The following MAP4 variants were observed in gnomAD, a reference collection of about 807,000 sequenced individuals.
The protein encoded by MAP4 is microtubule-associated protein 4.
In MAP4, 76 loss-of-function variants were observed where a neutral mutation model predicts 170.2. The observed-to-expected ratio is 0.45, with a 90% CI of 0.37 to 0.54. MAP4 has a LOEUF of 0.54. Among genes scored for constraint, MAP4 ranks in the 20% least tolerant of loss-of-function variants. MAP4 has a pLI of 0.00. For missense variants in MAP4, 2,506 were observed against 2,748.0 expected, an observed-to-expected ratio of 0.91 and a Z score of 1.97; for synonymous variants, 909 against 994.5, an observed-to-expected ratio of 0.91 and a Z score of 1.62.
At chr3:47,956,773 A>G (rs540923258) in intron 3 of MAP4, among the ~76,000 whole-genome samples, 2 of 152,340 alleles carry the variant, frequency 1.3e-5, no homozygotes, top group East Asian at 3.9e-4. Flanking sequence ...GACACTTTCC[A>G]TAGCTACAAG....
intron 16 of MAP4, among the ~76,000 whole-genome samples, chr3:47,868,404 A>G (rs2084414928): frequency 6.6e-6 from 1 of 152,138 alleles, no homozygotes. Flanking sequence ...AAACTACTTA[A>G]TGAGCCTTGG....
chr3:48,027,345 T>C (rs1273323419), intron 1 of MAP4, among the ~76,000 whole-genome samples: 2 of 152,068 alleles, frequency 1.3e-5, no homozygotes, highest in Non-Finnish European at 2.9e-5. Flanking sequence ...AAGCTACAAT[T>C]AGGACAAACA....
intron 1 of MAP4, 39 bp downstream of exon 1, chr3:48,016,295 C>T (rs765557483): frequency 1.4e-5 from 2 of 141,920 alleles, no homozygotes; most frequent in South Asian, 2.3e-4. Context: ...TACATAAAAC[C>T]TTGCATCACA....
chr3:48,050,052 G>C (rs2154548168), intron 1 of MAP4, among the ~76,000 whole-genome samples: 1 of 151,984 alleles, frequency 6.6e-6, no homozygotes, highest in Non-Finnish European at 1.5e-5. Context: ...CGGAGGTCAA[G>C]AGTTTGAGAC....
At position 47,851,959 on chromosome 3, in the gene MAP4, CA is replaced by C; in HGVS notation, c.*974del. The C allele has an allele frequency of 6.6e-6, 1 of 152,322 alleles. No homozygotes were observed. Among genetic ancestry groups the C allele is most frequent in the Non-Finnish European group, 1.5e-5 (1 of 68,088 alleles). The allele number at this position is 152,322 out of a possible 1,614,324, so 9.4% of individuals were successfully genotyped here. A position where few individuals can be genotyped will look rare whatever the true frequency, so the allele number is the denominator to read the frequency against. ...ATCCCAGGGAATGGGACAGAGATGC[CA>C]AAACCAGCCTCTTGGTTAGAAAAGA... is the stretch of plus-strand genomic sequence containing the variant. On this transcript the variant is annotated 3_prime_UTR_variant, in exon 21 of 21. Coordinates refer to ENST00000683076, the MANE Select transcript of MAP4 (RefSeq NM_001385682.1).
In MAP4 at chr3:47,916,175, G is replaced by T. The variant is rs1306837108; in HGVS notation, c.1652C>A (p.Ala551Asp). The T allele has an allele frequency of 1.9e-6, 3 of 1,614,042 alleles. No homozygotes were observed. Among genetic ancestry groups the T allele is most frequent in the East Asian group, 2.2e-5 (1 of 44,900 alleles). Residue 551 changes from alanine (A) to aspartate (D), a missense_variant, in exon 7 of 21, where the codon GCC (alanine) becomes GAC (aspartate). Transcript: ENST00000683076. ...EVALTEDQVP[A>D]LKTEAPLAKD... ...AGCCAGGGGTGCTTCTGTTTTGAGG[G>T]CTGGGACCTGATCCTCAGTCAGGGC...
At chr3:47,927,686 G>T (rs912025104) in intron 4 of MAP4, among the ~76,000 whole-genome samples, 1 of 152,136 alleles carries the variant, frequency 6.6e-6, no homozygotes, top group Non-Finnish European at 1.5e-5. Flanking sequence ...TGTTGGTCAG[G>T]CTTGTCTCGA....
chr3:48,020,381 T>A (rs2100109965), upstream of MAP4, among the ~76,000 whole-genome samples: 1 of 152,222 alleles, frequency 6.6e-6, no homozygotes, highest in Admixed American at 6.5e-5. Context: ...ACCAGCCTTC[T>A]CTTGCTGGGG....
chr3:47,969,324 C>T (rs542326477), intron 3 of MAP4, among the ~76,000 whole-genome samples: 1 of 151,824 alleles, frequency 6.6e-6, no homozygotes, highest in Non-Finnish European at 1.5e-5. Context: ...AAGAGAATCA[C>T]AAGCCCTGGA....
Position 47,853,349 on chromosome 3 carries a change from C to T in MAP4, c.6700G>A (p.Glu2234Lys), listed in dbSNP as rs2047906263. The T allele has an allele frequency of 1.9e-6, 3 of 1,603,176 alleles. No individual in the cohort carries two copies. The highest frequency in any genetic ancestry group is 2.5e-6 in the Non-Finnish European group (3 of 1,176,676). Residue 2234 changes from glutamate (E) to lysine (K), a missense_variant, in exon 20 of 21, where the codon GAG becomes AAG. Transcript: ENST00000683076. ...AGAGGAGCCTCGCTGCCACCGCCCT[C>T]AGTCTACAATGAAACAGTGGGGGAG... ...HLPAGGAVKT[E>K]GGGSEAPLCP...
intron 1 of MAP4, among the ~76,000 whole-genome samples, chr3:48,060,946 G>C (rs922570617): frequency 6.6e-6 from 1 of 151,930 alleles, no homozygotes; most frequent in Non-Finnish European, 1.5e-5. Context: ...CCAAGTACAC[G>C]CCATTCTCCT....
chr3:47,986,936 C>T (rs575336519), intron 2 of MAP4, among the ~76,000 whole-genome samples: 1 of 152,274 alleles, frequency 6.6e-6, no homozygotes, highest in East Asian at 1.9e-4. Flanking sequence ...TACATTAACA[C>T]AACCCAAACC....
At chr3:48,081,227 T>G (rs2100146516) in intron 1 of MAP4, among the ~76,000 whole-genome samples, 1 of 152,044 alleles carries the variant, frequency 6.6e-6, no homozygotes, top group African/African-American at 2.4e-5. Context: ...GAGGCGCAGC[T>G]TGCAGTGAGC....
chr3:47,889,612 C>T (rs1441474853), intron 10 of MAP4, among the ~76,000 whole-genome samples: 1 of 152,194 alleles, frequency 6.6e-6, no homozygotes, highest in African/African-American at 2.4e-5. Flanking sequence ...TGTCAGTCAT[C>T]TGAAATTTTT....
Position 47,912,345 on chromosome 3 carries a change from C to G in MAP4, c.2076G>C (p.Arg692=). 2.0e-6 allele frequency: 3 copies of G among 1,535,948 alleles called. No homozygotes were observed. The highest frequency in any genetic ancestry group is 1.2e-5 in the South Asian group (1 of 84,062). Residue 692 remains arginine, a synonymous_variant, in exon 9 of 21, where the codon CGG becomes CGC. Coordinates refer to ENST00000683076, the MANE Select transcript of MAP4 (RefSeq NM_001385682.1). ...CAGGAGGGACCCTGGCAGGCTTGGG[C>G]CGGGTTGACCTGCGGTCACTGGGTC... is the stretch of plus-strand genomic sequence containing the variant. ...VCRPSDRRST[R]PKPARVPPEL... is the part of the protein sequence containing the mutation.
chr3:47,987,282 T>C (rs1302203471), intron 2 of MAP4: 6 of 819,326 alleles, frequency 7.3e-6, no homozygotes, highest in Non-Finnish European at 9.1e-6. Flanking sequence ...ATTATTCCTG[T>C]GCTAGAGCAT....
At chr3:48,080,202 C>T (rs993631673) in intron 1 of MAP4, among the ~76,000 whole-genome samples, 8 of 152,090 alleles carry the variant, frequency 5.3e-5, no homozygotes, top group African/African-American at 1.4e-4. Context: ...AATCATTATC[C>T]GGAAAATCTT....
intron 9 of MAP4, among the ~76,000 whole-genome samples, chr3:47,903,324 G>A (rs2100031151): frequency 6.6e-6 from 1 of 152,154 alleles, no homozygotes; most frequent in Non-Finnish European, 1.5e-5. Context: ...ACGAGGTCAG[G>A]AGATCGAGAC....
intron 1 of MAP4, among the ~76,000 whole-genome samples, chr3:48,003,916 C>A (rs1177490562): frequency 1.3e-5 from 2 of 152,264 alleles, no homozygotes; most frequent in South Asian, 2.1e-4. Flanking sequence ...CAGTCTACAT[C>A]TTTCTCCTGT....
Sources: gnomAD v4.1 joint callset for allele counts (sites outside exome capture counted in the v4.1 genomes callset) on GRCh38, gnomAD v4.1.1 for gene constraint, MANE v1.5 for transcripts, NCBI Gene and HGNC (gene_info 2026-07-23, HGNC 2026-07-21) for gene names.